DPP6: variants seen among roughly 807,000 people sequenced by gnomAD.
DPP6 encodes the protein A-type potassium channel modulatory protein DPP6.
DPP6 carries 69 observed loss-of-function variants against 122.6 expected under a neutral mutation model. That is an observed-to-expected ratio of 0.56 (90% CI 0.46 to 0.69). DPP6 has a LOEUF of 0.69. DPP6 is among the 30% of genes least tolerant of loss of function. The pLI, the probability that DPP6 is intolerant of heterozygous loss-of-function variation, is 0.00. For synonymous variants in DPP6, 418 were observed against 433.1 expected (o/e 0.97, Z 0.43); for missense variants, 928 against 1,116.9 (o/e 0.83, Z 2.41).
chr7:154,341,345 G>A (rs535619090), intron 1 of DPP6, among the ~76,000 whole-genome samples: 1 of 152,250 alleles, frequency 6.6e-6, no homozygotes, highest in African/African-American at 2.4e-5. Flanking sequence ...TCCACCTGGA[G>A]AGGTGGTTAT....
intron 1 of DPP6, among the ~76,000 whole-genome samples, chr7:154,254,111 C>T (rs1261464408): frequency 6.6e-6 from 1 of 152,212 alleles, no homozygotes; most frequent in East Asian, 1.9e-4. Flanking sequence ...GGTGGGGACA[C>T]ACAGCCAAAC....
chr7:153,824,649 A>G, the DPP6 span, among the ~76,000 whole-genome samples: 4 of 151,712 alleles, frequency 2.6e-5, no homozygotes, highest in South Asian at 8.4e-4. Context: ...ACACCATTGC[A>G]CTCTAGTCTG....
chr7:154,172,188 A>G (rs765923055), intron 1 of DPP6, among the ~76,000 whole-genome samples: 1 of 151,828 alleles, frequency 6.6e-6, no homozygotes, highest in Non-Finnish European at 1.5e-5. Context: ...ATGAACATCA[A>G]CTATGTGCCA....
chr7:153,841,879 A>G, the DPP6 span, among the ~76,000 whole-genome samples: 130 of 152,334 alleles, frequency 8.5e-4, no homozygotes, highest in Non-Finnish European at 1.4e-3. Context: ...TCTATGCGTT[A>G]TATTCGTTTT....
At chr7:154,609,103 A>T (rs1833752254) in intron 5 of DPP6, among the ~76,000 whole-genome samples, 1 of 151,938 alleles carries the variant, frequency 6.6e-6, no homozygotes, top group Non-Finnish European at 1.5e-5. Context: ...TTTCGCCAAA[A>T]CTCAAATGTT....
chr7:154,701,197 G>A (rs1840505251), intron 7 of DPP6, among the ~76,000 whole-genome samples: 1 of 152,094 alleles, frequency 6.6e-6, no homozygotes, highest in Non-Finnish European at 1.5e-5. Context: ...ACCAGCCAGA[G>A]CTCTTCCAGT....
chr7:154,872,950 C>G (rs1804519007), intron 19 of DPP6, among the ~76,000 whole-genome samples: 1 of 152,210 alleles, frequency 6.6e-6, no homozygotes, highest in African/African-American at 2.4e-5. Context: ...TAAAGTGAGG[C>G]TGCTGGGATC....
chr7:154,297,390 A>G (rs577150283), intron 1 of DPP6, among the ~76,000 whole-genome samples: 3 of 152,316 alleles, frequency 2.0e-5, no homozygotes, highest in Non-Finnish European at 2.9e-5. Flanking sequence ...GAAGGGGGCC[A>G]GGTTTGGCCC....
chr7:153,995,254 G>C (rs1388733252), intron 1 of DPP6, among the ~76,000 whole-genome samples: 2 of 152,114 alleles, frequency 1.3e-5, no homozygotes, highest in African/African-American at 4.8e-5. Context: ...TTTCCTGCTA[G>C]TGAAACATAA....
intron 1 of DPP6, among the ~76,000 whole-genome samples, chr7:154,054,911 C>A (rs1200907771): frequency 6.6e-6 from 1 of 151,016 alleles, no homozygotes; most frequent in Non-Finnish European, 1.5e-5. Flanking sequence ...TGATCTCCAT[C>A]TTTTTTTAAA....
At chr7:154,469,142 G>A (rs1216466143) in intron 2 of DPP6, among the ~76,000 whole-genome samples, 2 of 152,118 alleles carry the variant, frequency 1.3e-5, no homozygotes, top group Non-Finnish European at 2.9e-5. Context: ...CAAATAACTA[G>A]TTCATTGATA....
At chr7:154,855,553 G>A (rs950683819) in intron 17 of DPP6, among the ~76,000 whole-genome samples, 13 of 152,264 alleles carry the variant, frequency 8.5e-5, no homozygotes, top group Admixed American at 3.3e-4. Flanking sequence ...CGGTATCCCC[G>A]GAAGGATGTT....
intron 1 of DPP6, among the ~76,000 whole-genome samples, chr7:154,175,932 C>CCCACCT (rs939930226): frequency 1.1e-4 from 17 of 152,202 alleles, no homozygotes; most frequent in Middle Eastern, 3.4e-3. Flanking sequence ...AAGTGACCCA[C>CCCACCT]CCACCTCGGC....
intron 19 of DPP6, 103 bp downstream of exon 19, chr7:154,872,796 A>G (rs956371011): frequency 4.3e-5 from 66 of 1,538,332 alleles, no homozygotes; most frequent in African/African-American, 1.2e-4. Flanking sequence ...AGCAGGAGAA[A>G]TGACATTGTT....
At chr7:154,267,569 ACACACACATATGTG>A (rs1017323813) in intron 1 of DPP6, among the ~76,000 whole-genome samples, 3 of 149,070 alleles carry the variant, frequency 2.0e-5, no homozygotes, top group Non-Finnish European at 4.4e-5. Context: ...ACACACATGT[ACACACACATATGTG>A]CACATACATA....
intron 1 of DPP6, among the ~76,000 whole-genome samples, chr7:154,259,889 G>A (rs1041485426): frequency 1.3e-5 from 2 of 152,184 alleles, no homozygotes; most frequent in African/African-American, 4.8e-5. Context: ...AGCAGAGCAG[G>A]CACGTGGCTG....
chr7:154,247,614 G>C (rs1440693055), intron 1 of DPP6, among the ~76,000 whole-genome samples: 1 of 152,060 alleles, frequency 6.6e-6, no homozygotes, highest in Non-Finnish European at 1.5e-5. Flanking sequence ...TATTGGCAGG[G>C]ATGTAAAACA....
At chr7:154,151,136 A>G (rs935986101) in intron 1 of DPP6, among the ~76,000 whole-genome samples, 18 of 152,152 alleles carry the variant, frequency 1.2e-4, no homozygotes, top group Non-Finnish European at 2.6e-4. Flanking sequence ...CCAGAACCCG[A>G]TGTGGTTTTC....
At chr7:154,327,341 G>C (rs1340875400) in intron 1 of DPP6, among the ~76,000 whole-genome samples, 1 of 152,108 alleles carries the variant, frequency 6.6e-6, no homozygotes, top group African/African-American at 2.4e-5. Flanking sequence ...GCCCTGACTT[G>C]AGTTTTAGTA....
Sources: gnomAD v4.1 joint callset for allele counts (sites outside exome capture counted in the v4.1 genomes callset) on GRCh38, gnomAD v4.1.1 for gene constraint, MANE v1.5 for transcripts, NCBI Gene and HGNC (gene_info 2026-07-23, HGNC 2026-07-21) for gene names.